The following TSPAN18 variants were observed in gnomAD, a reference collection of about 807,000 sequenced individuals.
The protein encoded by TSPAN18 is tetraspanin-18.
In TSPAN18, 14 loss-of-function variants were observed where a neutral mutation model predicts 27.3. The observed-to-expected ratio is 0.51, with a 90% CI of 0.34 to 0.80. The LOEUF (loss-of-function observed/expected upper bound fraction) is 0.80. TSPAN18 is among the 30% of genes least tolerant of loss of function. The pLI is 0.01. For missense variants in TSPAN18, 268 were observed against 323.9 expected, an observed-to-expected ratio of 0.83 and a Z score of 1.32; for synonymous variants, 143 against 136.5, an observed-to-expected ratio of 1.05 and a Z score of -0.33.
chr11:44,800,703 G>A (rs1463768312), intron 2 of TSPAN18, among the ~76,000 whole-genome samples: 3 of 152,248 alleles, frequency 2.0e-5, no homozygotes, highest in African/African-American at 7.2e-5. Flanking sequence ...ACCTGGAACA[G>A]ATTTGGCCCA....
intron 1 of TSPAN18, among the ~76,000 whole-genome samples, chr11:44,737,051 T>C (rs1219528907): frequency 6.6e-6 from 1 of 152,242 alleles, no homozygotes; most frequent in Non-Finnish European, 1.5e-5. Flanking sequence ...GATGCTCACA[T>C]GCTGAATGAA....
intron 3 of TSPAN18, among the ~76,000 whole-genome samples, chr11:44,866,232 A>G (rs1396769754): frequency 6.6e-6 from 1 of 152,246 alleles, no homozygotes; most frequent in Non-Finnish European, 1.5e-5. Context: ...ATGGACTTGC[A>G]GCAGGTACGA....
intron 2 of TSPAN18, among the ~76,000 whole-genome samples, chr11:44,827,265 T>A (rs1402767492): frequency 6.6e-6 from 1 of 152,248 alleles, no homozygotes; most frequent in Non-Finnish European, 1.5e-5. Context: ...TGATGTTACT[T>A]ACCTACCACA....
intron 2 of TSPAN18, among the ~76,000 whole-genome samples, chr11:44,843,194 T>A (rs1427227648): frequency 6.6e-6 from 1 of 152,208 alleles, no homozygotes; most frequent in African/African-American, 2.4e-5. Flanking sequence ...GGTTCTTTCC[T>A]ATTTTCCTAA....
intron 3 of TSPAN18, among the ~76,000 whole-genome samples, chr11:44,896,710 C>T (rs554603097): frequency 3.9e-5 from 6 of 152,234 alleles, no homozygotes; most frequent in South Asian, 4.2e-4. Flanking sequence ...AGAGTTATGC[C>T]GGTGGAGTTA....
chr11:44,783,114 C>G (rs1345814602), intron 2 of TSPAN18, among the ~76,000 whole-genome samples: 1 of 152,194 alleles, frequency 6.6e-6, no homozygotes, highest in Non-Finnish European at 1.5e-5. Context: ...AGGTGTGAGC[C>G]ATCACACACG....
At chr11:44,790,069 ACTG>A (rs1222836840) in intron 2 of TSPAN18, among the ~76,000 whole-genome samples, 3 of 152,314 alleles carry the variant, frequency 2.0e-5, no homozygotes, top group East Asian at 3.9e-4. Flanking sequence ...TCATGGGCTT[ACTG>A]CCCCTGGTGG....
chr11:44,913,559 G>GA (rs1859800269), intron 5 of TSPAN18, among the ~76,000 whole-genome samples: 1 of 151,924 alleles, frequency 6.6e-6, no homozygotes, highest in African/African-American at 2.4e-5. Flanking sequence ...AGCTCAACTG[G>GA]AAAAAAGAAC....
chr11:44,884,218 C>T (rs1858574206), intron 3 of TSPAN18, among the ~76,000 whole-genome samples: 1 of 152,152 alleles, frequency 6.6e-6, no homozygotes, highest in Non-Finnish European at 1.5e-5. Context: ...ACACCTTTGG[C>T]TTATCATATG....
At chr11:44,886,824 A>G (rs1858671504) in intron 3 of TSPAN18, among the ~76,000 whole-genome samples, 1 of 152,214 alleles carries the variant, frequency 6.6e-6, no homozygotes, top group South Asian at 2.1e-4. Flanking sequence ...TCATTCACGC[A>G]GGAAAGTGAT....
At chr11:44,908,526 G>C (rs904122234) in intron 4 of TSPAN18, among the ~76,000 whole-genome samples, 6 of 151,766 alleles carry the variant, frequency 4.0e-5, no homozygotes, top group African/African-American at 1.2e-4. Flanking sequence ...TTGAGCCCAG[G>C]AGTTTGAGAC....
chr11:44,926,569 G>T (rs2135384065), intron 8 of TSPAN18, 105 bp from the exon 9 acceptor site: 3 of 1,024,292 alleles, frequency 2.9e-6, no homozygotes, highest in Non-Finnish European at 1.5e-6. Context: ...GTGATAGGGT[G>T]AGAGCTCTGG....
chr11:44,882,392 A>T (rs1858512189), intron 3 of TSPAN18, among the ~76,000 whole-genome samples: 1 of 152,120 alleles, frequency 6.6e-6, no homozygotes, highest in Non-Finnish European at 1.5e-5. Flanking sequence ...TCGGGCAAGC[A>T]GGGCTTTGTA....
intron 8 of TSPAN18, 94 bp from the exon 9 acceptor site, chr11:44,926,580 G>A (rs1164796156): frequency 1.7e-6 from 2 of 1,147,020 alleles, no homozygotes; most frequent in East Asian, 2.4e-5. Flanking sequence ...AGAGCTCTGG[G>A]GACACCTGCC....
At chr11:44,786,609 G>T (rs1318742068) in intron 2 of TSPAN18, among the ~76,000 whole-genome samples, 1 of 147,478 alleles carries the variant, frequency 6.8e-6, no homozygotes, top group Non-Finnish European at 1.5e-5. Flanking sequence ...TACCTGCACA[G>T]GATTATCCAC....
At chr11:44,866,447 C>T (rs1156413833) in intron 3 of TSPAN18, among the ~76,000 whole-genome samples, 2 of 152,228 alleles carry the variant, frequency 1.3e-5, no homozygotes, top group Non-Finnish European at 2.9e-5. Context: ...GCCCCGCAGA[C>T]AGGCTTCTTT....
In TSPAN18 at chr11:44,731,635, A is replaced by T. The variant is rs139291197; in HGVS notation, c.-240+4348A>T. The stretch of plus-strand genomic sequence containing the variant: ...GTGTGTGTGTGTGTGTGTGTGTGTG[A>T]GAGAGAGAGAGAGAGAGAGAAAATC... On this transcript the variant is annotated intron_variant, in intron 1 of 9. Transcript: ENST00000520358. Among the ~76,000 whole-genome samples the T allele has an allele frequency of 8.0e-3, 493 of 61,740 alleles. 4 individuals carry two copies. The highest frequency in any genetic ancestry group is 0.02 in the African/African-American group (462 of 23,010). 40.5% of individuals were successfully genotyped at this position (61,740 alleles called of 152,430 possible).
At chr11:44,779,698 C>G (rs1159279980) in intron 2 of TSPAN18, among the ~76,000 whole-genome samples, 1 of 152,124 alleles carries the variant, frequency 6.6e-6, no homozygotes, top group Non-Finnish European at 1.5e-5. Context: ...GCACACATAC[C>G]TGCATACCGG....
In TSPAN18 at chr11:44,903,112, A is replaced by G. The variant is rs548313325; in HGVS notation, c.-10-3295A>G. On this transcript the variant is annotated intron_variant, in intron 3 of 9. Coordinates refer to ENST00000520358, the MANE Select transcript of TSPAN18 (RefSeq NM_130783.5). The stretch of plus-strand genomic sequence containing the variant: ...GCTGGCTGATGATGTTATGGTATAT[A>G]TTTTGGTGGGGGCAGTGGTAGATGT... 2.6e-5 allele frequency among the ~76,000 whole-genome samples: 4 copies of G among 151,556 alleles called. No homozygotes were observed. In the South Asian group the frequency reaches 8.3e-4, roughly 32 times the overall value.
Sources: allele counts gnomAD v4.1 joint callset (sites outside exome capture counted in the v4.1 genomes callset), GRCh38; gene constraint gnomAD v4.1.1; transcripts MANE v1.5; gene names NCBI Gene and HGNC (gene_info 2026-07-23, HGNC 2026-07-21).